Variants in CAMKMT observed in about 807,000 individuals in gnomAD.
CAMKMT encodes the protein calmodulin-lysine N-methyltransferase.
A neutral mutation model predicts 48.0 loss-of-function variants in CAMKMT; 53 were observed. The ratio of observed to expected loss-of-function variants is 1.10; its 90% confidence interval spans 0.89 to 1.39. The LOEUF (loss-of-function observed/expected upper bound fraction) is 1.39, where lower values mean the gene tolerates loss of function less well. Among genes scored for constraint, CAMKMT ranks in the 40% most tolerant of loss-of-function variants. The pLI is 0.00. For missense variants in CAMKMT, 428 were observed against 402.7 expected (o/e 1.06, Z -0.54); for synonymous variants, 165 against 152.3 (o/e 1.08, Z -0.61).
chr2:44,394,796 G>T lies in CAMKMT; in HGVS notation c.376+4491G>T, dbSNP rs1054167624. ...AGTGGTCTGATAGCAGAATCTGTTT[G>T]TCTGTTTGTGATGTATCTAAAACTG... On this transcript the variant is annotated intron_variant, in intron 3 of 10. Coordinates refer to ENST00000378494, the MANE Select transcript of CAMKMT (RefSeq NM_024766.5). The T allele has an allele frequency of 4.6e-5, 21 of 451,722 alleles. No individual in the cohort carries two copies. In the Admixed American group the frequency reaches 5.0e-4, roughly 11 times the overall value. The allele number at this position is 451,722 out of a possible 1,614,324, so 28.0% of individuals were successfully genotyped here.
intron 3 of CAMKMT, among the ~76,000 whole-genome samples, chr2:44,488,784 A>C (rs1669335858): frequency 6.6e-6 from 1 of 151,870 alleles, no homozygotes; most frequent in Non-Finnish European, 1.5e-5. Flanking sequence ...TGAAATATGG[A>C]GTCATACTTT....
chr2:44,456,612 C>G (rs2104605971), intron 3 of CAMKMT: 2 of 1,548,736 alleles, frequency 1.3e-6, no homozygotes, highest in South Asian at 1.2e-5. Flanking sequence ...TCAGTAGTAA[C>G]TCTTCCTTTT....
rs113143250 is a variant in CAMKMT, at chr2:44,402,621, A to G, written c.376+12316A>G. 2.5e-3 allele frequency among the ~76,000 whole-genome samples: 384 copies of G among 151,194 alleles called. 1 individual carries two copies. In the Middle Eastern group the frequency reaches 0.027, roughly 11 times the overall value. ...TTTTCAGTCTGGAAAATTTTTTTGA[A>G]TTACTCTTTTAATGACTTTCTTCCA... On this transcript the variant is annotated intron_variant, in intron 3 of 10. Coordinates refer to ENST00000378494, the MANE Select transcript of CAMKMT (RefSeq NM_024766.5).
At chr2:44,371,395 A>C (rs1349659901) in intron 1 of CAMKMT, among the ~76,000 whole-genome samples, 2 of 152,228 alleles carry the variant, frequency 1.3e-5, no homozygotes, top group African/African-American at 4.8e-5. Context: ...TTAGGATTAC[A>C]GACATGAGCC....
rs1674450876 is a variant in CAMKMT at position 44,657,682 on chromosome 2, G to T, written c.377-46601G>T. Reference sequence around the variant, plus strand: ...TACAGCAAAAGCAAGGCATTCTGTTGTTCAAAATACATCTTTGCCAGGTAC... The same window carrying T: ...TACAGCAAAAGCAAGGCATTCTGTTTTTCAAAATACATCTTTGCCAGGTAC... On this transcript the variant is annotated intron_variant, in intron 3 of 10. Coordinates refer to ENST00000378494, the MANE Select transcript of CAMKMT (RefSeq NM_024766.5). This position sits in a 1 kb window ranked among gnomAD's most constrained non-coding sequence, Gnocchi z 4.3. Among the ~76,000 whole-genome samples the T allele has an allele frequency of 6.6e-6, 1 of 152,144 alleles. No individual in the cohort carries two copies. Among genetic ancestry groups the T allele is most frequent in the South Asian group, 2.1e-4 (1 of 4,820 alleles).
intron 6 of CAMKMT, among the ~76,000 whole-genome samples, chr2:44,713,587 AT>A (rs1412297626): frequency 1.3e-5 from 2 of 152,028 alleles, no homozygotes; most frequent in African/African-American, 4.8e-5. Flanking sequence ...AGTCTCTTTT[AT>A]TTTTTTAATG....
At chr2:44,730,649 T>C (rs2104343617) in intron 7 of CAMKMT, among the ~76,000 whole-genome samples, 1 of 152,350 alleles carries the variant, frequency 6.6e-6, no homozygotes, top group Non-Finnish European at 1.5e-5. Flanking sequence ...GAGAGGCTTC[T>C]ATGATATGGA....
At chr2:44,504,531 T>C (rs980210257) in intron 3 of CAMKMT, among the ~76,000 whole-genome samples, 8 of 152,202 alleles carry the variant, frequency 5.3e-5, no homozygotes, top group African/African-American at 1.9e-4. Context: ...TGCTTCTTTC[T>C]GATTTTTGGC....
chr2:44,370,785 T>C (rs907147822), intron 1 of CAMKMT, among the ~76,000 whole-genome samples: 1 of 152,184 alleles, frequency 6.6e-6, no homozygotes, highest in African/African-American at 2.4e-5. Context: ...GTATTTCTAT[T>C]GTCATTCAAT....
chr2:44,488,871 G>GTGTA (rs1553401437), intron 3 of CAMKMT, among the ~76,000 whole-genome samples: 197 of 148,862 alleles, frequency 1.3e-3, no homozygotes, highest in African/African-American at 4.5e-3. Context: ...GTGTGTGTGT[G>GTGTA]TGTGTGTTTT....
intron 3 of CAMKMT, among the ~76,000 whole-genome samples, chr2:44,673,473 GGA>G (rs1228813197): frequency 4.6e-4 from 36 of 77,492 alleles, no homozygotes; most frequent in African/African-American, 1.5e-3. Context: ...AAGAGAGAGA[GGA>G]AGGAAGGAAG....
chr2:44,435,905 C>T (rs1172367698), intron 3 of CAMKMT, among the ~76,000 whole-genome samples: 1 of 152,152 alleles, frequency 6.6e-6, no homozygotes. Flanking sequence ...TTTTCATTTA[C>T]TGAATGTCTC....
chr2:44,703,984 T>C (rs1677403717), intron 3 of CAMKMT, among the ~76,000 whole-genome samples: 1 of 152,130 alleles, frequency 6.6e-6, no homozygotes, highest in African/African-American at 2.4e-5. Flanking sequence ...CTATGTGAAG[T>C]ACCATCAAAA....
At chr2:44,766,379 T>C (rs748536720) in intron 9 of CAMKMT, 51 bp from the exon 10 acceptor site, 1 of 1,608,380 alleles carries the variant, frequency 6.2e-7, no homozygotes, top group Non-Finnish European at 8.5e-7. Flanking sequence ...TCTGTTATGT[T>C]TGGTTACCTT....
intron 3 of CAMKMT, among the ~76,000 whole-genome samples, chr2:44,683,904 C>T (rs1258849053): frequency 6.9e-6 from 1 of 144,592 alleles, no homozygotes; most frequent in African/African-American, 2.6e-5. Flanking sequence ...GATAAGTAAA[C>T]ACGATTTCAT....
chr2:44,546,290 G>A (rs535686409), intron 3 of CAMKMT, among the ~76,000 whole-genome samples: 1 of 151,548 alleles, frequency 6.6e-6, no homozygotes, highest in African/African-American at 2.4e-5. Context: ...GCCCAAAGCC[G>A]CTGTTGGCCT....
At chr2:44,392,626 AC>A (rs1681457330) in intron 3 of CAMKMT, among the ~76,000 whole-genome samples, 1 of 152,074 alleles carries the variant, frequency 6.6e-6, no homozygotes, top group South Asian at 2.1e-4. Flanking sequence ...CTAAGCTTTT[AC>A]CATGTAGACA....
At chr2:44,410,133 T>G (rs1275988396) in intron 3 of CAMKMT, among the ~76,000 whole-genome samples, 1 of 150,164 alleles carries the variant, frequency 6.7e-6, no homozygotes, top group African/African-American at 2.5e-5. Context: ...TTTCAGCAGT[T>G]TCTTACCATG....
chr2:44,572,378 G>A (rs541911802), intron 3 of CAMKMT, among the ~76,000 whole-genome samples: 1 of 152,228 alleles, frequency 6.6e-6, no homozygotes, highest in East Asian at 1.9e-4. Context: ...GAATCATACA[G>A]GGTTTGTCCT....
Sources: allele counts gnomAD v4.1 joint callset (sites outside exome capture counted in the v4.1 genomes callset), GRCh38; gene constraint gnomAD v4.1.1; non-coding constraint Gnocchi (gnomAD v3.1); transcripts MANE v1.5; gene names NCBI Gene and HGNC (gene_info 2026-07-23, HGNC 2026-07-21).